The following TBC1D30 variants were observed in gnomAD, a reference collection of about 807,000 sequenced individuals.
TBC1D30 encodes TBC1 domain family member 30.
Under a neutral mutation model 63.2 loss-of-function variants are expected in TBC1D30, and 31 were observed. That is an observed-to-expected ratio of 0.49 (90% confidence interval 0.37 to 0.66). The LOEUF is 0.66. TBC1D30 is among the 30% of genes least tolerant of loss of function. The pLI is 0.00. For synonymous variants in TBC1D30, 307 were observed against 361.5 expected, an observed-to-expected ratio of 0.85 and a Z score of 1.71; for missense variants, 810 against 953.6, an observed-to-expected ratio of 0.85 and a Z score of 1.98.
At chr12:64,801,252 T>C (rs141408178) in intron 2 of TBC1D30, among the ~76,000 whole-genome samples, 8 of 152,308 alleles carry the variant, frequency 5.3e-5, no homozygotes, top group Non-Finnish European at 1.0e-4. Flanking sequence ...GTAGGACTCA[T>C]TGAATGTGTG....
At chr12:64,850,151 A>C (rs1447759983) in intron 8 of TBC1D30, among the ~76,000 whole-genome samples, 1 of 152,248 alleles carries the variant, frequency 6.6e-6, no homozygotes, top group African/African-American at 2.4e-5. Context: ...GAAGTTGCTT[A>C]TCAGCTTAAG....
At chr12:64,807,114 G>A (rs1361497694) in intron 2 of TBC1D30, among the ~76,000 whole-genome samples, 4 of 152,148 alleles carry the variant, frequency 2.6e-5, no homozygotes, top group African/African-American at 7.2e-5. Flanking sequence ...GTGGAGGGAA[G>A]GACCCAGTGG....
At chr12:64,863,738 C>T (rs1015852240) in intron 8 of TBC1D30, among the ~76,000 whole-genome samples, 1 of 152,240 alleles carries the variant, frequency 6.6e-6, no homozygotes, top group African/African-American at 2.4e-5. Flanking sequence ...ACTCCTTTCA[C>T]AGCCTTCCTT....
intron 2 of TBC1D30, among the ~76,000 whole-genome samples, chr12:64,800,558 A>T (rs968858187): frequency 6.6e-6 from 1 of 151,990 alleles, no homozygotes. Flanking sequence ...GTGATATGGG[A>T]AGAGGAGGAA....
chr12:64,764,761 A>G (rs1288122640), intron 1 of TBC1D30, among the ~76,000 whole-genome samples: 2 of 152,258 alleles, frequency 1.3e-5, no homozygotes, highest in Non-Finnish European at 2.9e-5. Flanking sequence ...AGGGTGCTGT[A>G]TAGATTTAAA....
intron 8 of TBC1D30, among the ~76,000 whole-genome samples, chr12:64,860,532 A>G (rs1429606519): frequency 6.6e-6 from 1 of 151,950 alleles, no homozygotes; most frequent in East Asian, 1.9e-4. Flanking sequence ...CATCTAGCCT[A>G]GTGTGAATAA....
At chr12:64,761,752 G>C (rs779981048) in intron 1 of TBC1D30, among the ~76,000 whole-genome samples, 14 of 152,206 alleles carry the variant, frequency 9.2e-5, no homozygotes, top group Non-Finnish European at 1.9e-4. Flanking sequence ...TAGCCCTCGG[G>C]CTGCTCTGCC....
intron 2 of TBC1D30, among the ~76,000 whole-genome samples, chr12:64,808,991 T>C (rs1181399027): frequency 1.3e-5 from 2 of 152,354 alleles, no homozygotes; most frequent in Admixed American, 6.5e-5. Context: ...TCCACCTGTT[T>C]GGCTGCTATG....
chr12:64,870,244 TAC>T (rs1052363720), intron 10 of TBC1D30, among the ~76,000 whole-genome samples: 13 of 152,338 alleles, frequency 8.5e-5, no homozygotes, highest in African/African-American at 3.1e-4. Flanking sequence ...TGGAAATCTG[TAC>T]AGTGATTTTA....
upstream of TBC1D30, among the ~76,000 whole-genome samples, chr12:64,821,630 G>C (rs1294090921): frequency 6.6e-6 from 1 of 152,122 alleles, no homozygotes; most frequent in African/African-American, 2.4e-5. Flanking sequence ...CAGCCCCAGG[G>C]TATACTGTGC....
At chr12:64,854,322 C>T (rs978391121) in intron 8 of TBC1D30, among the ~76,000 whole-genome samples, 3 of 152,058 alleles carry the variant, frequency 2.0e-5, no homozygotes, top group East Asian at 1.9e-4. Flanking sequence ...CTGATGGCAA[C>T]GTAACACTGG....
upstream of TBC1D30, chr12:64,824,615 C>T: frequency 7.9e-6 from 3 of 380,026 alleles, no homozygotes; most frequent in Non-Finnish European, 1.4e-5. Flanking sequence ...CGCTCGCTCC[C>T]GCCCTCCCCG....
chr12:64,773,046 G>T (rs1053201062), intron 1 of TBC1D30, among the ~76,000 whole-genome samples: 2 of 152,164 alleles, frequency 1.3e-5, no homozygotes, highest in Non-Finnish European at 2.9e-5. Context: ...GTATTAATAT[G>T]CATTTCCTAA....
chr12:64,778,441 G>A (rs1871142193), upstream of TBC1D30, among the ~76,000 whole-genome samples: 1 of 151,614 alleles, frequency 6.6e-6, no homozygotes, highest in South Asian at 2.1e-4. Context: ...TATGTGGGAA[G>A]AGGGTATTAT....
At chr12:64,815,743 C>T (rs1474062479) in intron 2 of TBC1D30, among the ~76,000 whole-genome samples, 1 of 152,068 alleles carries the variant, frequency 6.6e-6, no homozygotes, top group African/African-American at 2.4e-5. Flanking sequence ...TTGTCTTGAA[C>T]TCTTAAACAA....
intron 8 of TBC1D30, among the ~76,000 whole-genome samples, chr12:64,854,195 A>AT (rs1480795610): frequency 1.3e-5 from 2 of 149,804 alleles, no homozygotes; most frequent in Non-Finnish European, 3.0e-5. Flanking sequence ...TGTGAAGGTG[A>AT]TTTTTCTCTG....
At chr12:64,874,188 A>G (rs998729105) in intron 11 of TBC1D30, among the ~76,000 whole-genome samples, 1 of 152,182 alleles carries the variant, frequency 6.6e-6, no homozygotes, top group Non-Finnish European at 1.5e-5. Flanking sequence ...TTCCGGGTTC[A>G]AGCAATCTCC....
intron 2 of TBC1D30, among the ~76,000 whole-genome samples, chr12:64,813,627 T>G (rs1193898582): frequency 1.3e-5 from 2 of 152,198 alleles, no homozygotes; most frequent in Admixed American, 6.5e-5. Flanking sequence ...AGCAAACATG[T>G]GACATTTGAG....
At chr12:64,870,161 G>T (rs980874278) in intron 10 of TBC1D30, among the ~76,000 whole-genome samples, 2 of 152,178 alleles carry the variant, frequency 1.3e-5, no homozygotes, top group Admixed American at 6.6e-5. Flanking sequence ...TACCTTTAAT[G>T]TAAGAAGAAT....
Sources: allele counts gnomAD v4.1 joint callset (sites outside exome capture counted in the v4.1 genomes callset), GRCh38; gene constraint gnomAD v4.1.1; transcripts MANE v1.5; gene names NCBI Gene and HGNC (gene_info 2026-07-23, HGNC 2026-07-21).